The following ADAM7 variants were observed in gnomAD, a reference collection of about 807,000 sequenced individuals.
The protein encoded by ADAM7 is ADAM metallopeptidase domain 7, also known as disintegrin and metalloproteinase domain-containing protein 7.
In ADAM7, 97 loss-of-function variants were observed where a neutral mutation model predicts 102.9. That is an observed-to-expected ratio of 0.94 (90% CI 0.80 to 1.12). The LOEUF is 1.12. Among genes scored for constraint, ADAM7 ranks in the 50% most tolerant of loss-of-function variants. The pLI is 0.00. For missense variants in ADAM7, 991 were observed against 908.7 expected, an observed-to-expected ratio of 1.09 and a Z score of -1.16; for synonymous variants, 334 against 304.4, an observed-to-expected ratio of 1.10 and a Z score of -1.01.
Position 24,442,564 on chromosome 8 carries a change from T to G in ADAM7, c.144T>G (p.Asp48Glu). The change falls in exon 2 of 22, where the codon GAT (aspartate) becomes GAG (glutamate). Residue 48 changes from aspartate to glutamate, a missense_variant. Coordinates refer to ENST00000175238, the MANE Select transcript of ADAM7 (RefSeq NM_003817.4). ...AGCGAGATACTGGACACACCCATGA[T>G]GATGACATACTGGTACAAGTTTTGA... is the stretch of plus-strand genomic sequence containing the variant. ...IQKRDTGHTHDDDILKTYEEE... is the reference protein window; with the variant it reads ...IQKRDTGHTHEDDILKTYEEE... 1 of 1,613,592 alleles carries G rather than the reference T, an allele frequency of 6.2e-7. No individual in the cohort carries two copies. The highest frequency in any genetic ancestry group is 8.5e-7 in the Non-Finnish European group (1 of 1,179,476).
chr8:24,451,082 G>A (rs1818768263), intron 3 of ADAM7, among the ~76,000 whole-genome samples: 1 of 151,946 alleles, frequency 6.6e-6, no homozygotes, highest in South Asian at 2.1e-4. Context: ...TTGCATCAAT[G>A]TTCATCAAGG....
chr8:24,468,806 G>T lies in ADAM7; in HGVS notation c.619G>T (p.Ala207Ser). ...DEKYVELFIV[A>S]DDTVYRRNGH... ...AAAGTATGTTGAATTGTTCATTGTT[G>T]CTGATGATACTGTGGTAAGTTTTCA... is the stretch of plus-strand genomic sequence containing the variant. The change falls in exon 7 of 22, where the codon GCT (alanine) becomes TCT (serine). Residue 207 changes from alanine (A) to serine (S), a missense_variant. Transcript: ENST00000175238. The T allele has an allele frequency of 6.2e-7, 1 of 1,612,996 alleles. No homozygotes were observed. The highest frequency in any genetic ancestry group is 1.1e-5 in the South Asian group (1 of 90,934).
chr8:24,482,155 T>C lies in ADAM7; in HGVS notation c.719T>C (p.Leu240Ser). The stretch of plus-strand genomic sequence containing the variant: ...TTCTTTGAACAGATTTATAAAACCT[T>C]AAACATCCATGTGACGTTGGTTGGC... The part of the protein sequence containing the change: ...VNFVNMIYKT[L>S]NIHVTLVGIE... Residue 240 changes from leucine (L) to serine (S), a missense_variant, in exon 9 of 22, where the codon TTA (leucine) becomes TCA (serine). Transcript: ENST00000175238. 6.3e-7 allele frequency: 1 copy of C among 1,584,382 alleles called. No individual in the cohort carries two copies. The highest frequency in any genetic ancestry group is 8.5e-7 in the Non-Finnish European group (1 of 1,171,686).
At chr8:24,507,620 T>A in intron 21 of ADAM7, 85 bp downstream of exon 21, 1 of 1,173,890 alleles carries the variant, frequency 8.5e-7, no homozygotes, top group Non-Finnish European at 1.3e-6. Flanking sequence ...CTCATTGATT[T>A]ACTGGGGACA....
chr8:24,455,847 T>G (rs919386985), intron 3 of ADAM7, among the ~76,000 whole-genome samples: 1 of 152,260 alleles, frequency 6.6e-6, no homozygotes, highest in Non-Finnish European at 1.5e-5. Context: ...TATTGTAATT[T>G]GACAAACTAT....
At chr8:24,493,294 T>C (rs1820432498) in intron 16 of ADAM7, 65 bp downstream of exon 16, 1 of 1,411,854 alleles carries the variant, frequency 7.1e-7, no homozygotes, top group Non-Finnish European at 9.4e-7. Context: ...CATTACTGGA[T>C]ACTGTAATTG....
At chr8:24,480,445 C>T (rs1434761740) in intron 8 of ADAM7, among the ~76,000 whole-genome samples, 1 of 152,082 alleles carries the variant, frequency 6.6e-6, no homozygotes, top group Non-Finnish European at 1.5e-5. Context: ...TGTCTTCACC[C>T]CTTTTAACTC....
At chr8:24,449,206 C>T (rs564926101) in intron 3 of ADAM7, among the ~76,000 whole-genome samples, 1 of 152,234 alleles carries the variant, frequency 6.6e-6, no homozygotes, top group East Asian at 1.9e-4. Flanking sequence ...TTTCTAGTTC[C>T]AGATCCCTGA....
Position 24,463,862 on chromosome 8 carries a change from C to T in ADAM7, c.234-20C>T. On this transcript the variant is annotated intron_variant, in intron 3 of 21. Transcript: ENST00000175238. ...TTTTAGAACGAACAAATCTCACCAC[C>T]TGTCTGCCCTCTTTTTCAGGGAGTT... 4 of 1,599,930 alleles carry T rather than the reference C, an allele frequency of 2.5e-6. No individual in the cohort carries two copies. The highest frequency in any genetic ancestry group is 2.6e-6 in the Non-Finnish European group (3 of 1,167,724).
chr8:24,474,703 C>A (rs545985563), intron 7 of ADAM7, among the ~76,000 whole-genome samples: 5 of 151,852 alleles, frequency 3.3e-5, no homozygotes, highest in African/African-American at 1.2e-4. Context: ...CCAGCCTGGG[C>A]AACACAGCAA....
intron 3 of ADAM7, among the ~76,000 whole-genome samples, chr8:24,457,952 A>G (rs1431613556): frequency 1.3e-5 from 2 of 151,916 alleles, no homozygotes; most frequent in African/African-American, 4.8e-5. Flanking sequence ...ATTCCAGTCC[A>G]TTTTGATGAA....
rs150713405 is a variant in ADAM7 at position 24,455,869 on chromosome 8, T to C, written c.234-8013T>C. 1.1e-3 allele frequency among the ~76,000 whole-genome samples: 174 copies of C among 152,354 alleles called. 2 individuals are homozygous for C. The highest frequency in any genetic ancestry group is 1.8e-3 in the Non-Finnish European group (124 of 68,036). On this transcript the variant is annotated intron_variant, in intron 3 of 21. Transcript: ENST00000175238. ...ATTTGACAAACTATGATTGTATATA[T>C]TTATGGGGCCAAAGTGATGTTATGA...
intron 10 of ADAM7, 23 bp from the exon 11 acceptor site, chr8:24,487,164 T>C: frequency 6.2e-7 from 1 of 1,610,774 alleles, no homozygotes; most frequent in East Asian, 2.2e-5. Flanking sequence ...TGAAAATTTC[T>C]AATGCAATTG....
intron 3 of ADAM7, among the ~76,000 whole-genome samples, chr8:24,452,814 C>T (rs1016220936): frequency 4.6e-5 from 7 of 151,244 alleles, no homozygotes; most frequent in African/African-American, 1.5e-4. Context: ...ATGTTTCGTG[C>T]TTCCTTCAGG....
chr8:24,482,152 C>T lies in ADAM7; in HGVS notation c.716C>T (p.Thr239Ile), dbSNP rs779761107. 33 of 1,581,682 alleles carry T rather than the reference C, an allele frequency of 2.1e-5. No homozygotes were observed. The East Asian group carries it at 7.0e-4, about 34-fold the overall frequency. Residue 239 changes from threonine (T) to isoleucine (I), a missense_variant, in exon 9 of 22, where the codon ACC becomes ATC. Coordinates refer to ENST00000175238, the MANE Select transcript of ADAM7 (RefSeq NM_003817.4). ...MVNFVNMIYK[T>I]LNIHVTLVGI... ...TTCTTCTTTGAACAGATTTATAAAA[C>T]CTTAAACATCCATGTGACGTTGGTT...
At position 24,491,899 on chromosome 8, in the gene ADAM7, A is replaced by G; in HGVS notation, c.1357-4A>G. 6.3e-7 allele frequency: 1 copy of G among 1,591,614 alleles called. No individual in the cohort carries two copies. The highest frequency in any genetic ancestry group is 8.6e-7 in the Non-Finnish European group (1 of 1,169,202). On this transcript the variant is annotated splice_polypyrimidine_tract_variant and splice_region_variant and intron_variant, in intron 13 of 21. Coordinates refer to ENST00000175238, the MANE Select transcript of ADAM7 (RefSeq NM_003817.4). ...GATTTAGTCTCTTTGTTTTTCCTCA[A>G]CAGATAAAAAAAGCAGGGTCCATAT...
At chr8:24,456,979 T>A (rs891968654) in intron 3 of ADAM7, among the ~76,000 whole-genome samples, 1 of 152,190 alleles carries the variant, frequency 6.6e-6, no homozygotes, top group Non-Finnish European at 1.5e-5. Context: ...AGGAGTGATA[T>A]TCCTGAGTCA....
chr8:24,473,576 G>C (rs978671676), intron 7 of ADAM7, among the ~76,000 whole-genome samples: 7 of 152,128 alleles, frequency 4.6e-5, no homozygotes, highest in African/African-American at 1.2e-4. Flanking sequence ...ATCAACATTG[G>C]AGGAAACTTA....
At chr8:24,495,149 G>T (rs534588438) in intron 16 of ADAM7, among the ~76,000 whole-genome samples, 2 of 152,148 alleles carry the variant, frequency 1.3e-5, no homozygotes, top group East Asian at 1.9e-4. Context: ...AACAGGAATG[G>T]TTTTAGAGAA....
Sources: gnomAD v4.1 joint callset for allele counts (sites outside exome capture counted in the v4.1 genomes callset) on GRCh38, gnomAD v4.1.1 for gene constraint, MANE v1.5 for transcripts, NCBI Gene and HGNC (gene_info 2026-07-23, HGNC 2026-07-21) for gene names.